Variants in RUNX2 observed in about 807,000 individuals in gnomAD.
RUNX2 encodes the protein runt-related transcription factor 2.
Under a neutral mutation model 51.7 loss-of-function variants are expected in RUNX2, and 10 were observed. The ratio of observed to expected loss-of-function variants is 0.19; its 90% CI spans 0.12 to 0.33. The LOEUF is 0.33. RUNX2 is among the 10% of genes least tolerant of loss of function. The probability of loss-of-function intolerance (pLI) is 1.00; values close to 1 mark genes in which losing one functional copy is unlikely to be tolerated. For synonymous variants in RUNX2, 276 were observed against 273.6 expected (o/e 1.01, Z -0.09); for missense variants, 562 against 691.3 (o/e 0.81, Z 2.10).
intron 5 of RUNX2, among the ~76,000 whole-genome samples, chr6:45,478,098 C>G (rs140700213): frequency 2.0e-5 from 3 of 152,296 alleles, no homozygotes; most frequent in East Asian, 3.9e-4. Flanking sequence ...TCTACTCAAA[C>G]GCTGTCTCCT....
intron 5 of RUNX2, among the ~76,000 whole-genome samples, chr6:45,476,813 T>C (rs1260767790): frequency 2.6e-5 from 4 of 152,230 alleles, no homozygotes; most frequent in Admixed American, 6.5e-5. Flanking sequence ...TAGACATTTT[T>C]CCCTTCTAAA....
chr6:45,496,435 G>A (rs765430397), intron 6 of RUNX2, among the ~76,000 whole-genome samples: 5 of 152,178 alleles, frequency 3.3e-5, no homozygotes, highest in Non-Finnish European at 7.3e-5. Context: ...CAATAAATAG[G>A]TAAATAAGCA....
Position 45,399,947 on chromosome 6 carries a change from T to C in RUNX2, c.59-22646T>C, listed in dbSNP as rs146131237. Among the ~76,000 whole-genome samples the C allele has an allele frequency of 3.1e-3, 413 of 133,228 alleles. 3 individuals are homozygous for C. Among genetic ancestry groups the C allele is most frequent in the Middle Eastern group, 0.017 (3 of 178 alleles). 87.4% of individuals were successfully genotyped at this position (133,228 alleles called of 152,430 possible). A position where few individuals can be genotyped will look rare whatever the true frequency, so the allele number is the denominator to read the frequency against. Reference sequence around the variant, plus strand: ...TTGAAATTCATTTTCTTTAGAAAGATGAATTCATTTTCTTTAGAAAGGAAG... The same window carrying C: ...TTGAAATTCATTTTCTTTAGAAAGACGAATTCATTTTCTTTAGAAAGGAAG... On this transcript the variant is annotated intron_variant, in intron 2 of 8. Coordinates refer to ENST00000647337, the MANE Select transcript of RUNX2 (RefSeq NM_001024630.4).
At chr6:45,373,327 CA>C (rs1563048111) in intron 2 of RUNX2, among the ~76,000 whole-genome samples, 2 of 152,094 alleles carry the variant, frequency 1.3e-5, no homozygotes, top group African/African-American at 4.8e-5. Flanking sequence ...AACTACAGTA[CA>C]AAAAAGCCTC....
intron 6 of RUNX2, among the ~76,000 whole-genome samples, chr6:45,497,974 A>T (rs2150411181): frequency 6.6e-6 from 1 of 152,292 alleles, no homozygotes; most frequent in African/African-American, 2.4e-5. Context: ...TGTTCTAATT[A>T]GTTTAACTCA....
intron 2 of RUNX2, among the ~76,000 whole-genome samples, chr6:45,332,339 C>T (rs1787679598): frequency 6.9e-6 from 1 of 144,576 alleles, no homozygotes; most frequent in Non-Finnish European, 1.6e-5. Flanking sequence ...ACCTAAATAC[C>T]TCAACTGTAT....
chr6:45,405,836 C>T (rs1437451670), intron 2 of RUNX2, among the ~76,000 whole-genome samples: 3 of 152,024 alleles, frequency 2.0e-5, no homozygotes, highest in East Asian at 3.9e-4. Flanking sequence ...TAGAAATTGG[C>T]AAGTGCTATA....
At chr6:45,422,316 T>C in intron 2 of RUNX2, 1 of 361,978 alleles carries the variant, frequency 2.8e-6, no homozygotes. Context: ...ACCCCGGGTG[T>C]TCCAAAGACT....
In RUNX2 at chr6:45,523,178, AT is replaced by A. The variant is rs549564788; in HGVS notation, c.1021+10773del. On this transcript the variant is annotated intron_variant, in intron 7 of 8. Coordinates refer to ENST00000647337, the MANE Select transcript of RUNX2 (RefSeq NM_001024630.4). Reference sequence around the variant, plus strand: ...CATCCCTATGTCTTAATATTATTTGATTACTTCATTAAGCATTGATTTCTCA... The same window carrying A: ...CATCCCTATGTCTTAATATTATTTGATACTTCATTAAGCATTGATTTCTCA... Among the ~76,000 whole-genome samples the A allele has an allele frequency of 1.1e-3, 174 of 152,300 alleles. 1 individual carries two copies. The highest frequency in any genetic ancestry group is 4.1e-3 in the African/African-American group (170 of 41,568).
At chr6:45,492,447 C>T (rs1411975227) in intron 6 of RUNX2, among the ~76,000 whole-genome samples, 1 of 152,082 alleles carries the variant, frequency 6.6e-6, no homozygotes, top group Non-Finnish European at 1.5e-5. Flanking sequence ...TAACATCACA[C>T]CCTTACTATT....
chr6:45,425,188 C>T (rs1798350838), intron 3 of RUNX2, among the ~76,000 whole-genome samples: 3 of 152,124 alleles, frequency 2.0e-5, no homozygotes, highest in Admixed American at 2.0e-4. Context: ...TAAAGTGTTC[C>T]ATATACCATT....
At chr6:45,361,186 AT>A (rs1224496799) in intron 2 of RUNX2, among the ~76,000 whole-genome samples, 1 of 152,180 alleles carries the variant, frequency 6.6e-6, no homozygotes, top group Admixed American at 6.5e-5. Flanking sequence ...ATATAAGAAA[AT>A]TCTGATTAAA....
chr6:45,477,720 C>T lies in RUNX2; in HGVS notation c.686-14221C>T, dbSNP rs377323740. On this transcript the variant is annotated intron_variant, in intron 5 of 8. Coordinates refer to ENST00000647337, the MANE Select transcript of RUNX2 (RefSeq NM_001024630.4). ...TCAGTGTTTATCTTCTGACTTATAA[C>T]GTAAAAACAATTTCCTAACTGGTTT... 1.3e-3 allele frequency among the ~76,000 whole-genome samples: 204 copies of T among 152,322 alleles called. 8 individuals are homozygous for T. The South Asian group carries it at 0.038, about 28-fold the overall frequency.
intron 2 of RUNX2, among the ~76,000 whole-genome samples, chr6:45,385,352 TC>T (rs1332161581): frequency 1.3e-5 from 2 of 152,194 alleles, no homozygotes; most frequent in African/African-American, 2.4e-5. Context: ...GAGCTGATGT[TC>T]TCACTGAACC....
At chr6:45,380,889 C>G (rs554135981) in intron 2 of RUNX2, among the ~76,000 whole-genome samples, 15 of 152,172 alleles carry the variant, frequency 9.9e-5, no homozygotes, top group Admixed American at 3.9e-4. Flanking sequence ...GTGGTTTCTT[C>G]TCATGTGGAT....
chr6:45,439,835 A>G (rs1484277606), intron 5 of RUNX2, among the ~76,000 whole-genome samples: 2 of 152,174 alleles, frequency 1.3e-5, no homozygotes, highest in African/African-American at 4.8e-5. Context: ...GTAGCTTTGG[A>G]AAAGTCACTT....
At chr6:45,464,482 T>G (rs1799568393) in intron 5 of RUNX2, among the ~76,000 whole-genome samples, 1 of 152,170 alleles carries the variant, frequency 6.6e-6, no homozygotes, top group African/African-American at 2.4e-5. Context: ...TACAAGTCCT[T>G]TACTTCTTTT....
chr6:45,399,186 T>G (rs1797645128), intron 2 of RUNX2, among the ~76,000 whole-genome samples: 1 of 151,988 alleles, frequency 6.6e-6, no homozygotes, highest in African/African-American at 2.4e-5. Flanking sequence ...TCATCTGTAT[T>G]TCTACTAATG....
At chr6:45,520,553 T>C (rs1462118916) in intron 7 of RUNX2, among the ~76,000 whole-genome samples, 1 of 152,196 alleles carries the variant, frequency 6.6e-6, no homozygotes, top group Non-Finnish European at 1.5e-5. Flanking sequence ...TGCTGTGCTA[T>C]TTCCCACTTC....
Sources: allele counts gnomAD v4.1 joint callset (sites outside exome capture counted in the v4.1 genomes callset), GRCh38; gene constraint gnomAD v4.1.1; transcripts MANE v1.5; gene names NCBI Gene and HGNC (gene_info 2026-07-23, HGNC 2026-07-21).